CCDC110: variants seen among roughly 807,000 people sequenced by gnomAD.
CCDC110 encodes coiled-coil domain-containing protein 110.
Under a neutral mutation model 77.1 loss-of-function variants are expected in CCDC110, and 70 were observed. That is an observed-to-expected ratio of 0.91 (90% CI 0.75 to 1.11). The LOEUF is 1.11. CCDC110 is among the 50% of genes least tolerant of loss of function. The pLI is 0.00. For missense variants in CCDC110, 868 were observed against 942.9 expected (o/e 0.92, Z 1.04); for synonymous variants, 295 against 312.5 (o/e 0.94, Z 0.59).
chr4:185,457,809 G>T, intron 6 of CCDC110: 1 of 1,418,434 alleles, frequency 7.1e-7, no homozygotes, highest in Non-Finnish European at 9.4e-7. Flanking sequence ...CAGTTTACTT[G>T]GAATTCCTAG....
intron 5 of CCDC110, 80 bp from the exon 6 acceptor site, chr4:185,460,318 GTTTA>G (rs2095643816): frequency 1.0e-6 from 1 of 998,056 alleles, no homozygotes; most frequent in Admixed American, 2.7e-5. Flanking sequence ...TTTGTGGAGG[GTTTA>G]TTTATGTACC....
At position 185,445,522 on chromosome 4, in the gene CCDC110, T is replaced by C; in HGVS notation, c.2482A>G (p.Arg828Gly). 2 of 1,578,498 alleles carry C rather than the reference T, an allele frequency of 1.3e-6. No individual in the cohort carries two copies. Among genetic ancestry groups the C allele is most frequent in the Non-Finnish European group, 1.7e-6 (2 of 1,153,498 alleles). Residue 828 changes from arginine to glycine, a missense_variant, in exon 7 of 7, where the codon AGA becomes GGA. Arg to Gly is a moderately radical substitution (Grantham distance 125). Transcript: ENST00000307588. The part of the protein sequence containing the change: ...DLKGYFKVKD[R>G]TLKHH ...GAATCCTAATGATGCTTGAGAGTTC[T>C]GTCTTTAACTTTGAAATAACCTATG...
At position 185,458,174 on chromosome 4, in the gene CCDC110, C is replaced by A. The variant is rs147851012; in HGVS notation, c.2413G>T (p.Glu805Ter). 2 of 1,599,074 alleles carry A rather than the reference C, an allele frequency of 1.3e-6. No homozygotes were observed. Among genetic ancestry groups the A allele is most frequent in the South Asian group, 2.3e-5 (2 of 87,674 alleles). The change falls in exon 6 of 7, where the codon GAA (glutamate) becomes TAA (stop). Residue 805 changes from glutamate to a stop codon, truncating the protein, a stop_gained. Coordinates refer to ENST00000307588, the MANE Select transcript of CCDC110 (RefSeq NM_152775.4). LOFTEE classifies it low-confidence loss of function (END_TRUNC). The stretch of plus-strand genomic sequence containing the variant: ...CTACTCTGAGGACTAGAAGTATCTT[C>A]GTGAGTATAGTTGTCAAAATGGAAT... ...EKFHFDNYTHEDTSSPQSRPL... is the reference protein window; with the variant it reads ...EKFHFDNYTH
rs6827370 is a variant in CCDC110, at chr4:185,458,581, T to C, written c.2006A>G (p.Gln669Arg). The C allele has an allele frequency of 0.13, 213,800 of 1,607,848 alleles. 16,021 individuals are homozygous for C. Among genetic ancestry groups the C allele is most frequent in the African/African-American group, 0.29 (21,828 of 74,926 alleles). Residue 669 changes from glutamine (Q) to arginine (R), a missense_variant, in exon 6 of 7, where the codon CAA (glutamine) becomes CGA (arginine). Gln to Arg is a conservative substitution (Grantham distance 43, BLOSUM62 1). Transcript: ENST00000307588. ...CAGAAAATTCTCTTCGGCAGTAGAT[T>C]GGTAGGTTTGAATATTCTCAATTTC... ...EREIENIQTY[Q>R]STAEENFLQE...
rs1580203612 is a variant in CCDC110, at chr4:185,468,636, C to A, written c.115+2309G>T. Among the ~76,000 whole-genome samples the A allele has an allele frequency of 6.6e-6, 1 of 152,194 alleles. No individual in the cohort carries two copies. Among genetic ancestry groups the A allele is most frequent in the East Asian group, 1.9e-4 (1 of 5,200 alleles). ...ATTCTCTCTGCCTGCGGTGCTCTTTCCCTAGAAATCTGCACAGATTGCTTC... is the reference window on the plus strand; with the variant it reads ...ATTCTCTCTGCCTGCGGTGCTCTTTACCTAGAAATCTGCACAGATTGCTTC... On this transcript the variant is annotated intron_variant, in intron 2 of 6. Transcript: ENST00000307588. The surrounding 1 kb of genome is among the most constrained non-coding windows in gnomAD (Gnocchi z 4.5).
At chr4:185,447,480 G>T (rs1453274008) in intron 6 of CCDC110, among the ~76,000 whole-genome samples, 1 of 151,982 alleles carries the variant, frequency 6.6e-6, no homozygotes. Context: ...ACGCCCGGCC[G>T]ATTTTATATT....
chr4:185,471,528 G>C (rs1423610883), intron 1 of CCDC110, 146 bp downstream of exon 1: 1 of 916,260 alleles, frequency 1.1e-6, no homozygotes, highest in Non-Finnish European at 1.7e-6. Context: ...CTCAGCCCTA[G>C]GGCCGAGCGG....
chr4:185,446,681 T>G (rs947678286), intron 6 of CCDC110, among the ~76,000 whole-genome samples: 3 of 151,106 alleles, frequency 2.0e-5, no homozygotes, highest in Non-Finnish European at 4.4e-5. Context: ...AAATTTTAAA[T>G]GTTATATAGT....
At position 185,459,131 on chromosome 4, in the gene CCDC110, C is replaced by T. The variant is rs1481936617; in HGVS notation, c.1456G>A (p.Glu486Lys). The T allele has an allele frequency of 1.3e-6, 2 of 1,597,830 alleles. No individual in the cohort carries two copies. The highest frequency in any genetic ancestry group is 1.7e-6 in the Non-Finnish European group (2 of 1,170,416). ...AACTTAGACTGAATAGTACTCTTTTCTTCAACCAGATTCTTAAGTTGCTTT... is the reference window on the plus strand; with the variant it reads ...AACTTAGACTGAATAGTACTCTTTTTTTCAACCAGATTCTTAAGTTGCTTT... Reference protein sequence around the residue: ...YEKQLKNLVEEKSTIQSKLSK... With the variant: ...YEKQLKNLVEKKSTIQSKLSK... Residue 486 changes from glutamate to lysine, a missense_variant, in exon 6 of 7, where the codon GAA (glutamate) becomes AAA (lysine). Coordinates refer to ENST00000307588, the MANE Select transcript of CCDC110 (RefSeq NM_152775.4).
chr4:185,457,818 A>T (rs757870300), intron 6 of CCDC110: 21 of 1,395,574 alleles, frequency 1.5e-5, no homozygotes, highest in Non-Finnish European at 1.7e-5. Context: ...TGGAATTCCT[A>T]GGGAAAAAAA....
Position 185,459,933 on chromosome 4 carries a change from T to C in CCDC110, c.654A>G (p.Val218=). The change falls in exon 6 of 7, where the codon GTA becomes GTG. Residue 218 remains valine (V), a synonymous_variant. Transcript: ENST00000307588. ...CAGTAATTTTGGATTTATCCAGAAT[T>C]ACTGTATCAGCTTGAGACATCACAT... is the stretch of plus-strand genomic sequence containing the variant. ...PPNVMSQADT[V]ILDKSKITVP... is the part of the protein sequence containing the mutation. The C allele has an allele frequency of 1.2e-6, 2 of 1,613,876 alleles. No homozygotes were observed. Among genetic ancestry groups the C allele is most frequent in the South Asian group, 1.1e-5 (1 of 91,056 alleles).
rs373714110 is a variant in CCDC110 at position 185,471,712 on chromosome 4, C to T, written c.-29G>A. On this transcript the variant is annotated 5_prime_UTR_variant, in exon 1 of 7. Coordinates refer to ENST00000307588, the MANE Select transcript of CCDC110 (RefSeq NM_152775.4). ...CGCGGCTCATCTCTCTCGCAACCGC[C>T]GCCGCACGCACCCGCTCCGCCGCCC... The T allele has an allele frequency of 7.1e-4, 1,092 of 1,533,710 alleles. 2 individuals are homozygous for T. Among genetic ancestry groups the T allele is most frequent in the Non-Finnish European group, 8.4e-4 (957 of 1,144,106 alleles).
At chr4:185,470,430 A>G in intron 2 of CCDC110, 1 of 343,758 alleles carries the variant, frequency 2.9e-6, no homozygotes, top group South Asian at 2.3e-5. Context: ...ATTTGCATTT[A>G]AAAATTGTGG....
chr4:185,450,503 C>T (rs2095627226), intron 6 of CCDC110, among the ~76,000 whole-genome samples: 1 of 152,200 alleles, frequency 6.6e-6, no homozygotes. Flanking sequence ...AATCCCAGCA[C>T]TTTGGGAGGC....
In CCDC110 at chr4:185,470,957, A is replaced by T; in HGVS notation, c.103T>A (p.Cys35Ser). Residue 35 changes from cysteine (C) to serine (S), a missense_variant, in exon 2 of 7, where the codon TGC becomes AGC. Cys to Ser is a moderately radical substitution (Grantham distance 112, BLOSUM62 -1). Transcript: ENST00000307588. Reference sequence around the variant, plus strand: ...CTGGCGATTTTACCTGTGTCACTGCAGCCACTTTCCTTCACCCCCTCCGAA... The same window carrying T: ...CTGGCGATTTTACCTGTGTCACTGCTGCCACTTTCCTTCACCCCCTCCGAA... ...NSSEGVKESG[C>S]SDTEYGCIAE... is the part of the protein sequence containing the mutation. The T allele has an allele frequency of 6.2e-7, 1 of 1,610,614 alleles. No individual in the cohort carries two copies. The highest frequency in any genetic ancestry group is 8.5e-7 in the Non-Finnish European group (1 of 1,178,316).
At chr4:185,464,696 G>A (rs1334770751) in intron 2 of CCDC110, among the ~76,000 whole-genome samples, 1 of 151,832 alleles carries the variant, frequency 6.6e-6, no homozygotes, top group East Asian at 1.9e-4. Flanking sequence ...GCCATCTTTC[G>A]GTCAGCTCTC....
At position 185,459,809 on chromosome 4, in the gene CCDC110, C is replaced by T. The variant is rs370268336; in HGVS notation, c.778G>A (p.Val260Met). ...EELQKSHDGE[V>M]ALTNELQTLQ... ...GTCTGAAGTTCATTTGTAAGTGCCACTTCCCCATCATGTGACTTTTGAAGC... is the reference window on the plus strand; with the variant it reads ...GTCTGAAGTTCATTTGTAAGTGCCATTTCCCCATCATGTGACTTTTGAAGC... Residue 260 changes from valine (V) to methionine (M), a missense_variant, in exon 6 of 7, where the codon GTG becomes ATG. By Grantham distance (21) the Val-to-Met change is conservative. Transcript: ENST00000307588. 71 of 1,613,510 alleles carry T rather than the reference C, an allele frequency of 4.4e-5. No individual in the cohort carries two copies. Among genetic ancestry groups the T allele is most frequent in the Admixed American group, 5.0e-5 (3 of 59,996 alleles).
At chr4:185,464,655 C>T (rs2095652303) in intron 2 of CCDC110, among the ~76,000 whole-genome samples, 1 of 152,116 alleles carries the variant, frequency 6.6e-6, no homozygotes, top group Non-Finnish European at 1.5e-5. Context: ...AGAATCCTGC[C>T]ACCCACAACG....
chr4:185,461,448 C>A (rs1192266567), intron 4 of CCDC110, among the ~76,000 whole-genome samples: 2 of 152,088 alleles, frequency 1.3e-5, no homozygotes, highest in Admixed American at 6.6e-5. Flanking sequence ...GAATAAGAGA[C>A]CTTTGGAATC....
Sources: allele counts gnomAD v4.1 joint callset (sites outside exome capture counted in the v4.1 genomes callset), GRCh38; gene constraint gnomAD v4.1.1; non-coding constraint Gnocchi (gnomAD v3.1); transcripts MANE v1.5; gene names NCBI Gene and HGNC (gene_info 2026-07-23, HGNC 2026-07-21).